The following HS3ST4 variants were observed in gnomAD, a reference collection of about 807,000 sequenced individuals.
The protein encoded by HS3ST4 is heparan sulfate-glucosamine 3-sulfotransferase 4.
Under a neutral mutation model 29.2 loss-of-function variants are expected in HS3ST4, and 17 were observed. The observed-to-expected ratio is 0.58, with a 90% CI of 0.40 to 0.87. The LOEUF (loss-of-function observed/expected upper bound fraction) is 0.87, where lower values mean the gene tolerates loss of function less well. Among genes scored for constraint, HS3ST4 ranks in the 40% least tolerant of loss-of-function variants. The pLI is 0.00. For synonymous variants in HS3ST4, 314 were observed against 285.7 expected (o/e 1.10, Z -1.00); for missense variants, 627 against 634.5 (o/e 0.99, Z 0.13).
intron 1 of HS3ST4, among the ~76,000 whole-genome samples, chr16:25,840,823 G>A (rs1382665577): frequency 6.6e-6 from 1 of 152,060 alleles, no homozygotes; most frequent in African/African-American, 2.4e-5. Context: ...GGTAGAAGCA[G>A]CACCCAAATA....
At chr16:26,030,675 C>T (rs1212375242) in intron 1 of HS3ST4, among the ~76,000 whole-genome samples, 1 of 152,140 alleles carries the variant, frequency 6.6e-6, no homozygotes, top group Non-Finnish European at 1.5e-5. Flanking sequence ...GGTTGAGTCT[C>T]ATTCCCTTCA....
At chr16:25,831,944 A>G (rs72779002) in intron 1 of HS3ST4, among the ~76,000 whole-genome samples, 22,994 of 151,998 alleles carry the variant, frequency 0.15, 1,863 homozygotes, top group Non-Finnish European at 0.17. Context: ...TGACTCTACA[A>G]TAAATTTAAA....
intron 1 of HS3ST4, among the ~76,000 whole-genome samples, chr16:26,051,077 A>G (rs1234906795): frequency 6.6e-6 from 1 of 152,146 alleles, no homozygotes; most frequent in East Asian, 1.9e-4. Flanking sequence ...GTGGTGGATT[A>G]ATACAGTGCA....
intron 1 of HS3ST4, among the ~76,000 whole-genome samples, chr16:25,789,012 G>A (rs562329295): frequency 3.3e-5 from 5 of 152,104 alleles, no homozygotes; most frequent in African/African-American, 7.2e-5. Flanking sequence ...TGGGTTATAT[G>A]TGCATTTCTT....
intron 1 of HS3ST4, among the ~76,000 whole-genome samples, chr16:25,726,435 G>C (rs4238918): frequency 0.73 from 111,185 of 152,034 alleles, 41,614 homozygotes; most frequent in East Asian, 0.85. Context: ...GAACAAATGG[G>C]TATGAAACAC....
In HS3ST4 at chr16:25,737,990, C is replaced by T. The variant is rs367887121; in HGVS notation, c.734+44839C>T. Among the ~76,000 whole-genome samples, 15 of 151,422 alleles carry T rather than the reference C, an allele frequency of 9.9e-5. No individual in the cohort carries two copies. The East Asian group carries it at 1.4e-3, about 14-fold the overall frequency. ...AGCAATCTCGGCTCACTGCAACCTC[C>T]GCCTCCTGGGTTCAAGCAATTCTCC... On this transcript the variant is annotated intron_variant, in intron 1 of 1. Transcript: ENST00000331351.
intron 1 of HS3ST4, among the ~76,000 whole-genome samples, chr16:25,982,180 G>A (rs923963260): frequency 2.2e-4 from 34 of 152,174 alleles, no homozygotes; most frequent in African/African-American, 7.5e-4. Context: ...ATGCACCCCC[G>A]GCTGCTGAAG....
chr16:25,813,820 G>T (rs1294148121), intron 1 of HS3ST4, among the ~76,000 whole-genome samples: 1 of 152,114 alleles, frequency 6.6e-6, no homozygotes, highest in East Asian at 1.9e-4. Flanking sequence ...GCTAACACCT[G>T]GAAACAACCC....
chr16:26,135,058 C>G (rs1219743498), intron 1 of HS3ST4, among the ~76,000 whole-genome samples: 1 of 151,432 alleles, frequency 6.6e-6, no homozygotes, highest in Non-Finnish European at 1.5e-5. Context: ...ACAAATCATT[C>G]TTATCTGTGA....
chr16:26,030,562 A>T (rs72778363), intron 1 of HS3ST4, among the ~76,000 whole-genome samples: 5,004 of 152,214 alleles, frequency 0.033, 106 homozygotes, highest in Middle Eastern at 0.15. Flanking sequence ...TCCTTCTATA[A>T]CCCAATTAAG....
chr16:26,106,024 T>A (rs1326597792), intron 1 of HS3ST4, among the ~76,000 whole-genome samples: 1 of 152,088 alleles, frequency 6.6e-6, no homozygotes, highest in Non-Finnish European at 1.5e-5. Context: ...GGAAGAAAGA[T>A]AAAATGAAGA....
chr16:25,811,579 A>G (rs1169196695), intron 1 of HS3ST4, among the ~76,000 whole-genome samples: 1 of 151,528 alleles, frequency 6.6e-6, no homozygotes, highest in African/African-American at 2.4e-5. Context: ...GATTACAGGC[A>G]TGTCCCACCA....
intron 1 of HS3ST4, among the ~76,000 whole-genome samples, chr16:26,093,160 G>T (rs948787128): frequency 6.6e-6 from 1 of 152,220 alleles, no homozygotes; most frequent in East Asian, 1.9e-4. Context: ...TGTGGGCAGG[G>T]CTTAGCTGAA....
At position 25,784,570 on chromosome 16, in the gene HS3ST4, A is replaced by G. The variant is rs190606839; in HGVS notation, c.734+91419A>G. Among the ~76,000 whole-genome samples the G allele has an allele frequency of 2.0e-3, 310 of 152,342 alleles. 2 individuals are homozygous for G. Among genetic ancestry groups the G allele is most frequent in the African/African-American group, 7.0e-3 (291 of 41,584 alleles). On this transcript the variant is annotated intron_variant, in intron 1 of 1. Coordinates refer to ENST00000331351, the MANE Select transcript of HS3ST4 (RefSeq NM_006040.3). ...GTCTGGTTAGAAGATCAAACCAGCTACAGAATTCTTTTAAGTCAAAGTCTA... is the reference window on the plus strand; with the variant it reads ...GTCTGGTTAGAAGATCAAACCAGCTGCAGAATTCTTTTAAGTCAAAGTCTA...
chr16:26,068,201 G>A (rs1898562765), intron 1 of HS3ST4, among the ~76,000 whole-genome samples: 1 of 152,174 alleles, frequency 6.6e-6, no homozygotes, highest in East Asian at 1.9e-4. Context: ...CATTTACTGA[G>A]CACTTACTGG....
intron 1 of HS3ST4, among the ~76,000 whole-genome samples, chr16:25,722,540 C>T (rs1249870085): frequency 6.6e-6 from 1 of 152,170 alleles, no homozygotes; most frequent in East Asian, 1.9e-4. Context: ...CGGGCCAGGG[C>T]ATATGGATAC....
chr16:25,692,841 A>G lies in HS3ST4; in HGVS notation c.424A>G (p.Thr142Ala). The G allele has an allele frequency of 7.1e-7, 1 of 1,418,372 alleles. No individual in the cohort carries two copies. Among genetic ancestry groups the G allele is most frequent in the South Asian group, 1.5e-5 (1 of 65,436 alleles). 87.9% of individuals were successfully genotyped at this position (1,418,372 alleles called of 1,614,324 possible). ...AGGCGCCCAGGACGCCTGGCTCCGG[A>G]CCCCGCTGGCCCCCAGCGAGATGAT... ...GGGAQDAWLRTPLAPSEMITA... is the reference protein window; with the variant it reads ...GGGAQDAWLRAPLAPSEMITA... The change falls in exon 1 of 2, where the codon ACC becomes GCC. Residue 142 changes from threonine (T) to alanine (A), a missense_variant. This residue lies in a region of HS3ST4 where 402 missense variants were observed against 340.8 expected (regional missense o/e 1.18). Coordinates refer to ENST00000331351, the MANE Select transcript of HS3ST4 (RefSeq NM_006040.3).
chr16:25,997,920 A>G (rs1363562775), intron 1 of HS3ST4, among the ~76,000 whole-genome samples: 3 of 152,144 alleles, frequency 2.0e-5, no homozygotes, highest in African/African-American at 7.2e-5. Flanking sequence ...CTTCCTCCAG[A>G]TATCTTTTCT....
chr16:25,798,717 G>A (rs376974373), intron 1 of HS3ST4, among the ~76,000 whole-genome samples: 14 of 152,154 alleles, frequency 9.2e-5, no homozygotes, highest in Admixed American at 5.2e-4. Context: ...GAGAAAAATC[G>A]GAATTTTAAG....
Sources: gnomAD v4.1 joint callset for allele counts (sites outside exome capture counted in the v4.1 genomes callset) on GRCh38, gnomAD v4.1.1 for gene constraint, gnomAD v4.1.1 regional missense constraint, MANE v1.5 for transcripts, NCBI Gene and HGNC (gene_info 2026-07-23, HGNC 2026-07-21) for gene names.